Variants in ZNF385D observed in about 807,000 individuals in gnomAD.
ZNF385D encodes zinc finger protein 659.
In ZNF385D, 15 loss-of-function variants were observed where a neutral mutation model predicts 35.8. The ratio of observed to expected loss-of-function variants is 0.42; its 90% CI spans 0.28 to 0.64. ZNF385D has a LOEUF of 0.64. Ranked by LOEUF, ZNF385D falls within the 30% of genes least tolerant of loss-of-function variation. The pLI, the probability that ZNF385D is intolerant of heterozygous loss-of-function variation, is 0.23. For missense variants in ZNF385D, 474 were observed against 494.6 expected, an observed-to-expected ratio of 0.96 and a Z score of 0.39; for synonymous variants, 212 against 186.8, an observed-to-expected ratio of 1.13 and a Z score of -1.10.
At chr3:22,288,449 G>GTTTC (rs111854228) in intron 2 of ZNF385D, among the ~76,000 whole-genome samples, 23,502 of 151,552 alleles carry the variant, frequency 0.16, 3,730 homozygotes, top group African/African-American at 0.41. Context: ...TTTCTTTTTT[G>GTTTC]TTTAAGTGGA....
intron 2 of ZNF385D, among the ~76,000 whole-genome samples, chr3:22,355,643 A>G (rs1696116717): frequency 1.3e-5 from 2 of 151,930 alleles, no homozygotes; most frequent in South Asian, 4.1e-4. Context: ...AGATGATGAA[A>G]GAAAAGATCC....
At chr3:21,931,908 T>C (rs145309353) in intron 3 of ZNF385D, among the ~76,000 whole-genome samples, 1 of 152,086 alleles carries the variant, frequency 6.6e-6, no homozygotes, top group African/African-American at 2.4e-5. Context: ...ACACCTGTAA[T>C]CCCAGCACTT....
intron 3 of ZNF385D, among the ~76,000 whole-genome samples, chr3:22,112,958 A>T (rs945957202): frequency 7.9e-5 from 12 of 152,234 alleles, no homozygotes; most frequent in African/African-American, 2.9e-4. Flanking sequence ...CATGCCTCAC[A>T]AGTATAGAAC....
intron 2 of ZNF385D, among the ~76,000 whole-genome samples, chr3:21,599,927 T>A (rs2064233425): frequency 6.6e-6 from 1 of 152,188 alleles, no homozygotes; most frequent in Non-Finnish European, 1.5e-5. Flanking sequence ...AATCACAGGA[T>A]GAGACAGGTG....
At chr3:22,244,434 T>C (rs1699667922) in intron 2 of ZNF385D, among the ~76,000 whole-genome samples, 1 of 144,466 alleles carries the variant, frequency 6.9e-6, no homozygotes, top group African/African-American at 2.6e-5. Context: ...ATATCAAGTA[T>C]ATTCTTATCA....
chr3:21,693,479 C>G (rs1321460837), intron 1 of ZNF385D, among the ~76,000 whole-genome samples: 1 of 152,104 alleles, frequency 6.6e-6, no homozygotes. Flanking sequence ...TAAGGAAACT[C>G]AAGCAAAGGA....
At chr3:22,181,065 T>A (rs1480211460) in intron 2 of ZNF385D, among the ~76,000 whole-genome samples, 2 of 152,036 alleles carry the variant, frequency 1.3e-5, no homozygotes, top group African/African-American at 4.8e-5. Context: ...CCATGCCTAG[T>A]CTTTTTGTAA....
chr3:22,205,622 G>T (rs910954293), intron 2 of ZNF385D, among the ~76,000 whole-genome samples: 2 of 151,970 alleles, frequency 1.3e-5, no homozygotes, highest in Non-Finnish European at 2.9e-5. Flanking sequence ...AAAATGTGGA[G>T]TCTTCATTAG....
chr3:22,146,266 T>A (rs1018041568), intron 3 of ZNF385D, among the ~76,000 whole-genome samples: 12 of 152,222 alleles, frequency 7.9e-5, no homozygotes, highest in Non-Finnish European at 1.8e-4. Context: ...TCAGTAATAT[T>A]CGTTTAATAG....
chr3:22,086,868 G>A (rs139772009), intron 3 of ZNF385D, among the ~76,000 whole-genome samples: 5 of 152,188 alleles, frequency 3.3e-5, no homozygotes, highest in East Asian at 1.9e-4. Flanking sequence ...TCACTCATAG[G>A]TGGGAATTGA....
chr3:22,057,195 A>G (rs923815814), intron 3 of ZNF385D, among the ~76,000 whole-genome samples: 1 of 152,242 alleles, frequency 6.6e-6, no homozygotes, highest in African/African-American at 2.4e-5. Flanking sequence ...TCACTATTGT[A>G]CAACCTTGGG....
At chr3:21,767,948 T>G (rs1345894489) in intron 3 of ZNF385D, among the ~76,000 whole-genome samples, 1 of 152,094 alleles carries the variant, frequency 6.6e-6, no homozygotes, top group African/African-American at 2.4e-5. Context: ...TAGCCAAAAA[T>G]TAAAAGAATT....
chr3:22,254,095 A>G (rs1176836481), intron 2 of ZNF385D, among the ~76,000 whole-genome samples: 1 of 151,878 alleles, frequency 6.6e-6, no homozygotes, highest in African/African-American at 2.4e-5. Context: ...ACAGTGTAAA[A>G]CCTACAAGGC....
At chr3:21,725,816 C>T (rs2068737266) in intron 1 of ZNF385D, among the ~76,000 whole-genome samples, 4 of 152,142 alleles carry the variant, frequency 2.6e-5, no homozygotes, top group Admixed American at 2.6e-4. Flanking sequence ...ACAGAATCCT[C>T]CCTAACTCAT....
chr3:21,874,309 T>C (rs1167844754), intron 3 of ZNF385D, among the ~76,000 whole-genome samples: 1 of 152,124 alleles, frequency 6.6e-6, no homozygotes, highest in East Asian at 1.9e-4. Flanking sequence ...TTTGGAAAAA[T>C]GTTTAATCAA....
intron 5 of ZNF385D, chr3:21,431,142 A>G (rs1051371775): frequency 6.6e-6 from 1 of 152,144 alleles, no homozygotes; most frequent in African/African-American, 2.4e-5. Context: ...CATAGACAGG[A>G]AAAATGACCC....
At chr3:22,270,100 T>C (rs77591325) in intron 2 of ZNF385D, among the ~76,000 whole-genome samples, 3,057 of 152,020 alleles carry the variant, frequency 0.02, 74 homozygotes, top group Admixed American at 0.068. Flanking sequence ...AGCCCTACTT[T>C]AGGGACCAAG....
intron 3 of ZNF385D, among the ~76,000 whole-genome samples, chr3:21,865,102 G>A (rs889354261): frequency 3.9e-5 from 4 of 103,342 alleles, no homozygotes; most frequent in Non-Finnish European, 5.3e-5. Context: ...ACCACTTGCC[G>A]TATCTACTTT....
intron 3 of ZNF385D, among the ~76,000 whole-genome samples, chr3:22,150,957 G>A (rs1262173100): frequency 6.6e-6 from 1 of 152,102 alleles, no homozygotes; most frequent in Non-Finnish European, 1.5e-5. Flanking sequence ...AAGAAAGGAT[G>A]ATTCTCAGAT....
Sources: gnomAD v4.1 joint callset for allele counts (sites outside exome capture counted in the v4.1 genomes callset) on GRCh38, gnomAD v4.1.1 for gene constraint, MANE v1.5 for transcripts, NCBI Gene and HGNC (gene_info 2026-07-23, HGNC 2026-07-21) for gene names.